Variants in FRS2 observed in about 807,000 individuals in gnomAD.
FRS2 encodes FGFR signalling adaptor.
A neutral mutation model predicts 43.9 loss-of-function variants in FRS2; 8 were observed. The observed-to-expected ratio is 0.18, with a 90% CI of 0.11 to 0.33. The LOEUF is 0.33. Ranked by LOEUF, FRS2 falls within the 10% of genes least tolerant of loss-of-function variation. The pLI is 1.00. For missense variants in FRS2, 534 were observed against 627.6 expected, an observed-to-expected ratio of 0.85 and a Z score of 1.59; for synonymous variants, 219 against 220.3, an observed-to-expected ratio of 0.99 and a Z score of 0.05.
At chr12:69,543,096 G>A (rs1350044855) in intron 3 of FRS2, among the ~76,000 whole-genome samples, 5 of 152,156 alleles carry the variant, frequency 3.3e-5, no homozygotes, top group South Asian at 2.1e-4. Flanking sequence ...CAACATGGTA[G>A]CATTGCTTCT....
intron 3 of FRS2, among the ~76,000 whole-genome samples, chr12:69,552,891 C>CA (rs369307414): frequency 0.11 from 13,845 of 125,302 alleles, 831 homozygotes; most frequent in Non-Finnish European, 0.16. Flanking sequence ...GACTCCATCT[C>CA]AAAAAAAAAA....
intron 1 of FRS2, among the ~76,000 whole-genome samples, chr12:69,525,845 A>T (rs556848838): frequency 1.7e-5 from 1 of 59,738 alleles, no homozygotes; most frequent in Non-Finnish European, 3.3e-5. Flanking sequence ...GGGAAACTTT[A>T]TTTATTTTGA....
intron 3 of FRS2, among the ~76,000 whole-genome samples, chr12:69,538,284 G>T (rs1347692843): frequency 7.2e-6 from 1 of 138,652 alleles, no homozygotes; most frequent in Non-Finnish European, 1.5e-5. Flanking sequence ...TCCAGCAGTA[G>T]AGCCAGTCTG....
chr12:69,512,778 G>A (rs1419309325), intron 1 of FRS2, among the ~76,000 whole-genome samples: 1 of 152,084 alleles, frequency 6.6e-6, no homozygotes. Context: ...TTCCTTGATG[G>A]CTTTTTCTGT....
At chr12:69,484,197 G>A (rs1300541655) in intron 1 of FRS2, among the ~76,000 whole-genome samples, 1 of 151,818 alleles carries the variant, frequency 6.6e-6, no homozygotes, top group Non-Finnish European at 1.5e-5. Context: ...CCATTCTCCT[G>A]CCTCAGCCTC....
In FRS2 at chr12:69,511,604, G is replaced by A. The variant is rs572679052; in HGVS notation, c.-260-19261G>A. On this transcript the variant is annotated intron_variant, in intron 1 of 8. Coordinates refer to ENST00000549921, the MANE Select transcript of FRS2 (RefSeq NM_001278356.2). ...GTTTTAAAAAAACTCTGAACTGGTG[G>A]ATTTACATGGAGATGAATAGAGGAT... Among the ~76,000 whole-genome samples, 4 of 152,218 alleles carry A rather than the reference G, an allele frequency of 2.6e-5. No homozygotes were observed. In the East Asian group the frequency reaches 5.8e-4, roughly 22 times the overall value.
At chr12:69,519,668 C>T (rs1875430087) in intron 1 of FRS2, among the ~76,000 whole-genome samples, 1 of 152,166 alleles carries the variant, frequency 6.6e-6, no homozygotes. Flanking sequence ...ATTTGGTTTT[C>T]TGTTCCTGTG....
At chr12:69,490,772 A>G (rs1165753127) in intron 1 of FRS2, among the ~76,000 whole-genome samples, 1 of 152,168 alleles carries the variant, frequency 6.6e-6, no homozygotes, top group African/African-American at 2.4e-5. Flanking sequence ...CCATGGTTAT[A>G]CTTTTCACTA....
At chr12:69,564,050 C>T (rs1328321310) in intron 4 of FRS2, among the ~76,000 whole-genome samples, 1 of 152,090 alleles carries the variant, frequency 6.6e-6, no homozygotes, top group African/African-American at 2.4e-5. Context: ...GTAATGTATT[C>T]TCTTTTGAAT....
intron 3 of FRS2, among the ~76,000 whole-genome samples, chr12:69,556,320 T>C (rs1397512077): frequency 6.8e-6 from 1 of 147,356 alleles, no homozygotes; most frequent in Non-Finnish European, 1.5e-5. Flanking sequence ...TATCTTTTAA[T>C]TTACTTTTCT....
At chr12:69,500,736 T>C (rs112954422) in intron 1 of FRS2, among the ~76,000 whole-genome samples, 2,794 of 152,292 alleles carry the variant, frequency 0.018, 87 homozygotes, top group African/African-American at 0.063. Context: ...TTTTAGATCC[T>C]ACTTTGAGGG....
At chr12:69,501,955 T>G (rs1444237673) in intron 1 of FRS2, among the ~76,000 whole-genome samples, 1 of 128,776 alleles carries the variant, frequency 7.8e-6, no homozygotes, top group Admixed American at 7.7e-5. Flanking sequence ...CTATCTGTTT[T>G]TTTTGTTTTG....
At chr12:69,557,635 C>CGCGT (rs1565773372) in intron 3 of FRS2, among the ~76,000 whole-genome samples, 2 of 135,556 alleles carry the variant, frequency 1.5e-5, no homozygotes, top group South Asian at 2.3e-4. Context: ...CGCGCGCGCG[C>CGCGT]GCAGGTGCAT....
At chr12:69,570,926 A>T (rs1880699956) in intron 6 of FRS2, among the ~76,000 whole-genome samples, 1 of 152,206 alleles carries the variant, frequency 6.6e-6, no homozygotes, top group South Asian at 2.1e-4. Flanking sequence ...ATTGGAAAAC[A>T]CCTAGGGACT....
chr12:69,512,468 G>T (rs78721695), intron 1 of FRS2, among the ~76,000 whole-genome samples: 1 of 152,244 alleles, frequency 6.6e-6, no homozygotes, highest in Non-Finnish European at 1.5e-5. Context: ...TGAGTAGAAA[G>T]CTCACACTAC....
chr12:69,470,689 G>A (rs1404273352), intron 1 of FRS2, among the ~76,000 whole-genome samples, 159 bp downstream of exon 1: 1 of 152,104 alleles, frequency 6.6e-6, no homozygotes, highest in Non-Finnish European at 1.5e-5. Flanking sequence ...CGGGCCAGCG[G>A]GACGGGAAGA....
Position 69,546,175 on chromosome 12 carries a change from A to G in FRS2, c.-122+14119A>G. Among the ~76,000 whole-genome samples the G allele has an allele frequency of 1.3e-5, 2 of 152,230 alleles. 1 individual carries two copies. Among genetic ancestry groups the G allele is most frequent in the Non-Finnish European group, 2.9e-5 (2 of 68,040 alleles). Reference sequence around the variant, plus strand: ...AAGATATACAAAGGCCAGTAAGCATATGAAAAGATGTTTAACATCACCAAT... The same window carrying G: ...AAGATATACAAAGGCCAGTAAGCATGTGAAAAGATGTTTAACATCACCAAT... On this transcript the variant is annotated intron_variant, in intron 3 of 8. Coordinates refer to ENST00000549921, the MANE Select transcript of FRS2 (RefSeq NM_001278356.2).
Position 69,575,472 on chromosome 12 carries a change from G to A in FRS2, c.*517G>A, listed in dbSNP as rs1397298279. The A allele has an allele frequency of 6.5e-6, 1 of 153,574 alleles. No individual in the cohort carries two copies. The highest frequency in any genetic ancestry group is 2.4e-5 in the African/African-American group (1 of 41,444). The allele number at this position is 153,574 out of a possible 1,614,324, so 9.5% of individuals were successfully genotyped here. ...AGCCAAAACATATGTAAAGGAAACA[G>A]AAGTACCGCACCTCCTCTTACACCA... On this transcript the variant is annotated 3_prime_UTR_variant, in exon 9 of 9. Coordinates refer to ENST00000549921, the MANE Select transcript of FRS2 (RefSeq NM_001278356.2).
intron 1 of FRS2, among the ~76,000 whole-genome samples, chr12:69,527,213 G>T (rs187974768): frequency 2.6e-5 from 4 of 151,978 alleles, no homozygotes; most frequent in Non-Finnish European, 5.9e-5. Flanking sequence ...ACATTCTTTG[G>T]ATTCACCCCT....
Sources: allele counts gnomAD v4.1 joint callset (sites outside exome capture counted in the v4.1 genomes callset), GRCh38; gene constraint gnomAD v4.1.1; transcripts MANE v1.5; gene names NCBI Gene and HGNC (gene_info 2026-07-23, HGNC 2026-07-21).